The following SHANK2 variants were observed in gnomAD, a reference collection of about 807,000 sequenced individuals.
SHANK2 encodes the protein SH3 and multiple ankyrin repeat domains protein 2.
In SHANK2, 43 loss-of-function variants were observed where a neutral mutation model predicts 133.7. The observed-to-expected ratio is 0.32, with a 90% CI of 0.25 to 0.41. The LOEUF (loss-of-function observed/expected upper bound fraction) is 0.41, where lower values mean the gene tolerates loss of function less well. Ranked by LOEUF, SHANK2 falls within the 10% of genes least tolerant of loss-of-function variation. The probability of loss-of-function intolerance (pLI) is 1.00; values close to 1 mark genes in which losing one functional copy is unlikely to be tolerated. For synonymous variants in SHANK2, 1,017 were observed against 952.8 expected (o/e 1.07, Z -1.24); for missense variants, 1,994 against 2,235.8 (o/e 0.89, Z 2.18).
intron 17 of SHANK2, chr11:70,603,862 T>C (rs1554991630): frequency 2.0e-5 from 3 of 152,700 alleles, no homozygotes; most frequent in African/African-American, 7.2e-5. Flanking sequence ...GATGCCCTGG[T>C]GGTGGCCGCA....
In SHANK2 at chr11:71,151,290, A is replaced by T. The variant is rs1245546381; in HGVS notation, c.-12-3952T>A. On this transcript the variant is annotated intron_variant, in intron 2 of 25. Coordinates refer to ENST00000601538, the MANE Select transcript of SHANK2 (RefSeq NM_012309.5). ...TCACCAGGAACCAACACTATGTCCA[A>T]TTAGGAGAAAGCTGATACCCACTGT... 3.3e-5 allele frequency among the ~76,000 whole-genome samples: 5 copies of T among 151,820 alleles called. No homozygotes were observed. In the South Asian group the frequency reaches 1.0e-3, roughly 32 times the overall value.
At chr11:70,818,981 CT>C (rs1948461301) in intron 12 of SHANK2, among the ~76,000 whole-genome samples, 1 of 152,226 alleles carries the variant, frequency 6.6e-6, no homozygotes, top group Non-Finnish European at 1.5e-5. Flanking sequence ...TGGTGGCGGT[CT>C]TCCTCCCTGA....
At chr11:70,925,762 A>C (rs1444349609) in intron 10 of SHANK2, among the ~76,000 whole-genome samples, 1 of 152,050 alleles carries the variant, frequency 6.6e-6, no homozygotes, top group African/African-American at 2.4e-5. Flanking sequence ...ATTGTCCAGG[A>C]TGTGTAAAGA....
At chr11:71,100,196 G>T (rs1951695776) in intron 6 of SHANK2, among the ~76,000 whole-genome samples, 1 of 152,202 alleles carries the variant, frequency 6.6e-6, no homozygotes, top group Non-Finnish European at 1.5e-5. Context: ...CACTTTGGAA[G>T]ACAGTTTGGC....
Position 71,191,324 on chromosome 11 carries a change from C to T in SHANK2, c.-13+33373G>A, listed in dbSNP as rs80048761. 9.2e-3 allele frequency among the ~76,000 whole-genome samples: 1,398 copies of T among 151,976 alleles called. 22 individuals are homozygous for T. The highest frequency in any genetic ancestry group is 0.032 in the African/African-American group (1,335 of 41,438). On this transcript the variant is annotated intron_variant, in intron 2 of 25. Transcript: ENST00000601538. ...ATCACCTCAGATGTCTTCGCCTGGG[C>T]TACCGTACAAAGCCCGGCAGACAGG...
chr11:70,486,335 C>T lies in SHANK2; in HGVS notation c.3958G>A (p.Asp1320Asn). ...SAGLLMVHTV[D>N]ATKLDNALQE... ...AGGGCGTTGTCCAGCTTAGTGGCGTCCACGGTGTGCACCATCAGCAGGCCA... is the reference window on the plus strand; with the variant it reads ...AGGGCGTTGTCCAGCTTAGTGGCGTTCACGGTGTGCACCATCAGCAGGCCA... Residue 1320 changes from aspartate to asparagine, a missense_variant, in exon 25 of 26, where the codon GAC becomes AAC. Physicochemically the swap from Asp to Asn is conservative, Grantham distance 23. Coordinates refer to ENST00000601538, the MANE Select transcript of SHANK2 (RefSeq NM_012309.5). The surrounding 1 kb of genome is among the most constrained non-coding windows in gnomAD (Gnocchi z 8.0). 6.2e-7 allele frequency: 1 copy of T among 1,613,966 alleles called. No homozygotes were observed. Among genetic ancestry groups the T allele is most frequent in the South Asian group, 1.1e-5 (1 of 91,072 alleles).
chr11:70,577,761 C>G (rs1176738612), intron 17 of SHANK2, among the ~76,000 whole-genome samples: 2 of 151,788 alleles, frequency 1.3e-5, no homozygotes, highest in African/African-American at 4.8e-5. Context: ...AACTGTGGGT[C>G]ACCATTCCTG....
chr11:71,086,440 TTA>T (rs1392627795), intron 8 of SHANK2, among the ~76,000 whole-genome samples: 16,757 of 133,266 alleles, frequency 0.13, 1,215 homozygotes, highest in Non-Finnish European at 0.16. Context: ...TATTTATAAT[TTA>T]TATATTATAT....
At chr11:71,208,500 C>T (rs1249084980) in intron 2 of SHANK2, among the ~76,000 whole-genome samples, 1 of 152,194 alleles carries the variant, frequency 6.6e-6, no homozygotes, top group Non-Finnish European at 1.5e-5. Flanking sequence ...CAGGGCTGTG[C>T]ACCCAAGTGT....
chr11:70,811,909 A>G (rs1286639195), intron 12 of SHANK2, among the ~76,000 whole-genome samples: 1 of 152,254 alleles, frequency 6.6e-6, no homozygotes, highest in African/African-American at 2.4e-5. Flanking sequence ...CCCAAAGTTC[A>G]GAAAGATCTT....
chr11:70,598,957 G>A (rs1554990144), intron 17 of SHANK2, among the ~76,000 whole-genome samples: 6 of 137,874 alleles, frequency 4.4e-5, no homozygotes, highest in East Asian at 2.2e-4. Flanking sequence ...AGAGTCAACA[G>A]AAATTTTGAA....
intron 2 of SHANK2, among the ~76,000 whole-genome samples, chr11:71,221,474 G>C (rs782691044): frequency 6.6e-6 from 1 of 152,130 alleles, no homozygotes; most frequent in Non-Finnish European, 1.5e-5. Flanking sequence ...ACCCAGGAGG[G>C]TGCTCTGGAG....
intron 20 of SHANK2, among the ~76,000 whole-genome samples, chr11:70,501,278 T>A (rs2059047079): frequency 6.6e-6 from 1 of 152,104 alleles, no homozygotes; most frequent in South Asian, 2.1e-4. Context: ...CGAGGAAGGA[T>A]GACATCACTG....
At chr11:70,875,258 G>A (rs978795728) in intron 11 of SHANK2, among the ~76,000 whole-genome samples, 1 of 152,002 alleles carries the variant, frequency 6.6e-6, no homozygotes, top group Non-Finnish European at 1.5e-5. Flanking sequence ...GTGTACCTGG[G>A]GCAGACAGCG....
At chr11:70,867,435 A>G (rs1327279657) in intron 11 of SHANK2, among the ~76,000 whole-genome samples, 1 of 152,234 alleles carries the variant, frequency 6.6e-6, no homozygotes, top group African/African-American at 2.4e-5. Flanking sequence ...GCCGCTGTTA[A>G]CAGCAAACAG....
chr11:71,221,093 C>T (rs1954527256), intron 2 of SHANK2, among the ~76,000 whole-genome samples: 1 of 151,328 alleles, frequency 6.6e-6, no homozygotes, highest in East Asian at 2.0e-4. Flanking sequence ...CCCAGCTACA[C>T]AGGAGGCTGA....
intron 6 of SHANK2, among the ~76,000 whole-genome samples, chr11:71,098,042 ATGTGTGCATGCCTG>A (rs1454051546): frequency 7.2e-6 from 1 of 138,622 alleles, no homozygotes; most frequent in Admixed American, 7.2e-5. Flanking sequence ...CTGTGTGTGC[ATGTGTGCATGCCTG>A]TGTGTACATG....
chr11:71,167,918 G>A (rs1217464027), intron 2 of SHANK2, among the ~76,000 whole-genome samples: 1 of 147,566 alleles, frequency 6.8e-6, no homozygotes, highest in Non-Finnish European at 1.5e-5. Context: ...TGTCCGGGCG[G>A]GGGGCTGACC....
intron 11 of SHANK2, among the ~76,000 whole-genome samples, chr11:70,868,224 G>T (rs142508818): frequency 6.6e-6 from 1 of 152,102 alleles, no homozygotes; most frequent in African/African-American, 2.4e-5. Flanking sequence ...AAGGTGGGTC[G>T]CATAGACACA....
Sources: gnomAD v4.1 joint callset for allele counts (sites outside exome capture counted in the v4.1 genomes callset) on GRCh38, gnomAD v4.1.1 for gene constraint, Gnocchi (gnomAD v3.1) non-coding constraint, MANE v1.5 for transcripts, NCBI Gene and HGNC (gene_info 2026-07-23, HGNC 2026-07-21) for gene names.